Variants in CEP63 observed in about 807,000 individuals in gnomAD.
The protein encoded by CEP63 is centrosomal protein of 63 kDa.
In CEP63, 84 loss-of-function variants were observed where a neutral mutation model predicts 89.1. That is an observed-to-expected ratio of 0.94 (90% CI 0.79 to 1.13). CEP63 has a LOEUF of 1.13. Among genes scored for constraint, CEP63 ranks in the 50% most tolerant of loss-of-function variants. CEP63 has a pLI of 0.00. For missense variants in CEP63, 838 were observed against 813.3 expected (o/e 1.03, Z -0.37); for synonymous variants, 267 against 272.5 (o/e 0.98, Z 0.20).
chr3:134,738,847 C>G, the CEP63 span, among the ~76,000 whole-genome samples: 1 of 152,018 alleles, frequency 6.6e-6, no homozygotes, highest in Non-Finnish European at 1.5e-5. Flanking sequence ...TAGCGTTTCT[C>G]TAAAGAATAT....
chr3:134,689,254 A>T, the CEP63 span, among the ~76,000 whole-genome samples: 1 of 152,012 alleles, frequency 6.6e-6, no homozygotes, highest in Non-Finnish European at 1.5e-5. Flanking sequence ...ATGATGAGGA[A>T]GCCTAAACTA....
At chr3:134,643,221 A>C in the CEP63 span, 2 of 1,190,290 alleles carry the variant, frequency 1.7e-6, no homozygotes, top group Non-Finnish European at 2.4e-6. Context: ...TGCTCCCCAT[A>C]GTCTGAGCTC....
chr3:134,743,383 G>T, the CEP63 span, among the ~76,000 whole-genome samples: 4 of 152,138 alleles, frequency 2.6e-5, no homozygotes, highest in Non-Finnish European at 5.9e-5. Context: ...GAAAATTCTC[G>T]CTGGTAGAGT....
the CEP63 span, among the ~76,000 whole-genome samples, chr3:134,733,926 A>G: frequency 6.6e-6 from 1 of 151,762 alleles, no homozygotes; most frequent in East Asian, 1.9e-4. Context: ...CAAAAGCCAG[A>G]ATCTTATTCA....
chr3:134,617,757 G>A, the CEP63 span, among the ~76,000 whole-genome samples: 140 of 152,322 alleles, frequency 9.2e-4, no homozygotes, highest in African/African-American at 3.3e-3. Context: ...GGGCTGTCCT[G>A]GAGCGGGGCC....
At chr3:134,511,390 A>T in intron 3 of CEP63, 1 of 154,814 alleles carries the variant, frequency 6.5e-6, no homozygotes, top group South Asian at 1.9e-4. Context: ...CCATACTCGG[A>T]AAAGAAGTGG....
At chr3:134,750,634 GA>G in the CEP63 span, among the ~76,000 whole-genome samples, 265 of 152,244 alleles carry the variant, frequency 1.7e-3, 12 homozygotes, top group South Asian at 0.052. Flanking sequence ...ACAGGTGGGG[GA>G]AGCCAGCTCA....
chr3:134,517,273 G>A lies in CEP63; in HGVS notation c.222+9987G>A, dbSNP rs537638582. 3.3e-5 allele frequency among the ~76,000 whole-genome samples: 5 copies of A among 152,166 alleles called. No individual in the cohort carries two copies. The South Asian group carries it at 6.2e-4, about 19-fold the overall frequency. ...CTCAAACCAAGATGAAAATGTCTGC[G>A]TATCTAATGTGTCTAGTTAAATAGT... On this transcript the variant is annotated intron_variant, in intron 3 of 14. Transcript: ENST00000675561.
At chr3:134,655,560 T>G in the CEP63 span, among the ~76,000 whole-genome samples, 3 of 152,208 alleles carry the variant, frequency 2.0e-5, no homozygotes, top group Non-Finnish European at 4.4e-5. Context: ...GTCTCACATG[T>G]GTCTTACAGG....
At chr3:134,689,442 T>C in the CEP63 span, among the ~76,000 whole-genome samples, 1 of 96,432 alleles carries the variant, frequency 1.0e-5, no homozygotes, top group Non-Finnish European at 2.4e-5. Flanking sequence ...AAGGACCTTA[T>C]TTATTATTAT....
chr3:134,620,804 G>A, the CEP63 span: 2 of 1,613,598 alleles, frequency 1.2e-6, no homozygotes, highest in Non-Finnish European at 1.7e-6. Context: ...GGTCAGTGTG[G>A]GCCTCCTGGA....
At chr3:134,582,589 T>C (rs970522487) in intron 10 of CEP63, among the ~76,000 whole-genome samples, 1 of 152,068 alleles carries the variant, frequency 6.6e-6, no homozygotes, top group Non-Finnish European at 1.5e-5. Flanking sequence ...TTGATGGACA[T>C]TGGGTTGGTT....
At chr3:134,697,769 A>G in the CEP63 span, among the ~76,000 whole-genome samples, 1 of 152,194 alleles carries the variant, frequency 6.6e-6, no homozygotes, top group Non-Finnish European at 1.5e-5. Context: ...GCCTGTTCTT[A>G]TCATTAGCAC....
intron 1 of CEP63, 181 bp downstream of exon 1, chr3:134,486,383 C>T (rs1337530111): frequency 2.0e-6 from 2 of 985,558 alleles, no homozygotes; most frequent in Non-Finnish European, 2.4e-6. Context: ...AACCACCAGG[C>T]GCGTCCCCGC....
chr3:134,547,614 C>CTTTTTTTTTTTTTTTTTTTTGTTT (rs62656962), intron 9 of CEP63, 142 bp downstream of exon 9: 1 of 224,274 alleles, frequency 4.5e-6, no homozygotes, highest in Non-Finnish European at 8.0e-6. Flanking sequence ...GTTCTTATTT[C>CTTTTTTTTTTTTTTTTTTTTGTTT]TTTTTTTTTT....
the CEP63 span, among the ~76,000 whole-genome samples, chr3:134,726,312 G>A: frequency 6.6e-6 from 1 of 152,144 alleles, no homozygotes; most frequent in Non-Finnish European, 1.5e-5. Context: ...AGGCCACTGT[G>A]CACATTAGTA....
the CEP63 span, among the ~76,000 whole-genome samples, chr3:134,741,788 G>A: frequency 6.6e-6 from 1 of 152,144 alleles, no homozygotes; most frequent in African/African-American, 2.4e-5. Context: ...GGATGTTTGT[G>A]TCTGTTTCTG....
chr3:134,589,613 G>A (rs914287631), downstream of CEP63, among the ~76,000 whole-genome samples: 9 of 149,424 alleles, frequency 6.0e-5, no homozygotes, highest in Admixed American at 4.7e-4. Flanking sequence ...ATTGGCAAGG[G>A]TGTGGAGGAA....
the CEP63 span, among the ~76,000 whole-genome samples, chr3:134,671,173 T>A: frequency 6.6e-6 from 1 of 152,232 alleles, no homozygotes; most frequent in African/African-American, 2.4e-5. Flanking sequence ...AATGAAATCA[T>A]GTCCTTTGCA....
Sources: gnomAD v4.1 joint callset for allele counts (sites outside exome capture counted in the v4.1 genomes callset) on GRCh38, gnomAD v4.1.1 for gene constraint, MANE v1.5 for transcripts, NCBI Gene and HGNC (gene_info 2026-07-23, HGNC 2026-07-21) for gene names.